The following SYNDIG1 variants were observed in gnomAD, a reference collection of about 807,000 sequenced individuals.
SYNDIG1 encodes the protein synapse differentiation inducing 1, also known as synapse differentiation-inducing gene protein 1.
SYNDIG1 carries 9 observed loss-of-function variants against 19.4 expected under a neutral mutation model. The observed-to-expected ratio is 0.46, with a 90% confidence interval of 0.28 to 0.81. The LOEUF is 0.81. SYNDIG1 is among the 30% of genes least tolerant of loss of function. The probability of loss-of-function intolerance (pLI) is 0.12; values close to 1 mark genes in which losing one functional copy is unlikely to be tolerated. For synonymous variants in SYNDIG1, 141 were observed against 145.9 expected (o/e 0.97, Z 0.24); for missense variants, 311 against 343.3 (o/e 0.91, Z 0.74).
At chr20:24,530,605 G>A (rs1263259562) in intron 1 of SYNDIG1, among the ~76,000 whole-genome samples, 3 of 152,142 alleles carry the variant, frequency 2.0e-5, no homozygotes, top group Non-Finnish European at 4.4e-5. Flanking sequence ...CAGTAGGGAA[G>A]TTTTACTATT....
intron 3 of SYNDIG1, among the ~76,000 whole-genome samples, chr20:24,660,052 C>T (rs536004825): frequency 7.9e-5 from 12 of 152,242 alleles, no homozygotes; most frequent in African/African-American, 2.4e-4. Context: ...ATGCCGAGTC[C>T]GGCTTCGTTT....
rs376959922 is a variant in SYNDIG1 at position 24,646,973 on chromosome 20, GT to G, written c.619-18369del. On this transcript the variant is annotated intron_variant, in intron 3 of 3. Coordinates refer to ENST00000376862, the MANE Select transcript of SYNDIG1 (RefSeq NM_024893.3). Reference sequence around the variant, plus strand: ...ACATAGTTATGAGCCAAATAAACCTGTTTTCTTGATAAACTATTCAGCCTCA... The same window carrying G: ...ACATAGTTATGAGCCAAATAAACCTGTTTCTTGATAAACTATTCAGCCTCA... Among the ~76,000 whole-genome samples the G allele has an allele frequency of 2.6e-3, 398 of 152,260 alleles. 4 individuals carry two copies. The highest frequency in any genetic ancestry group is 9.1e-3 in the African/African-American group (380 of 41,550).
At chr20:24,646,296 G>A (rs1017756114) in intron 3 of SYNDIG1, among the ~76,000 whole-genome samples, 1 of 152,168 alleles carries the variant, frequency 6.6e-6, no homozygotes, top group African/African-American at 2.4e-5. Flanking sequence ...GGGGCTAGGC[G>A]ACTGCTATGG....
At chr20:24,557,854 G>A (rs1041599723) in intron 2 of SYNDIG1, among the ~76,000 whole-genome samples, 2 of 152,168 alleles carry the variant, frequency 1.3e-5, no homozygotes, top group African/African-American at 4.8e-5. Flanking sequence ...TGGAAATGCA[G>A]AAATCACCCG....
At chr20:24,624,943 A>G (rs1447891404) in intron 3 of SYNDIG1, among the ~76,000 whole-genome samples, 1 of 152,264 alleles carries the variant, frequency 6.6e-6, no homozygotes, top group Non-Finnish European at 1.5e-5. Flanking sequence ...AACCCTTCTC[A>G]ATAACCCATG....
At chr20:24,592,149 A>G (rs918012450) in intron 3 of SYNDIG1, among the ~76,000 whole-genome samples, 1 of 152,216 alleles carries the variant, frequency 6.6e-6, no homozygotes, top group Non-Finnish European at 1.5e-5. Context: ...GCAGAGTAGA[A>G]GTATAAGTCA....
At chr20:24,541,864 G>T (rs1255274273) in intron 1 of SYNDIG1, among the ~76,000 whole-genome samples, 2 of 152,230 alleles carry the variant, frequency 1.3e-5, no homozygotes, top group African/African-American at 4.8e-5. Flanking sequence ...GGTACAGAGA[G>T]CCATGTGGAT....
At chr20:24,608,918 G>A (rs1679255896) in intron 3 of SYNDIG1, among the ~76,000 whole-genome samples, 1 of 152,202 alleles carries the variant, frequency 6.6e-6, no homozygotes, top group African/African-American at 2.4e-5. Context: ...GTGGAGGACA[G>A]TAATTTTGTG....
chr20:24,660,952 CCGCCCG>C (rs1176510472), intron 3 of SYNDIG1, among the ~76,000 whole-genome samples: 5 of 152,256 alleles, frequency 3.3e-5, no homozygotes, highest in African/African-American at 1.2e-4. Context: ...GGCTGGTCAC[CCGCCCG>C]CAGTGCTGGA....
chr20:24,640,477 G>A (rs1476768042), intron 3 of SYNDIG1, among the ~76,000 whole-genome samples: 1 of 22,434 alleles, frequency 4.5e-5, no homozygotes, highest in African/African-American at 9.3e-5. Flanking sequence ...AGGGAAAGAA[G>A]GAAGGAAGGA....
intron 3 of SYNDIG1, among the ~76,000 whole-genome samples, chr20:24,664,914 A>G (rs1027576303): frequency 6.6e-6 from 1 of 152,140 alleles, no homozygotes; most frequent in African/African-American, 2.4e-5. Context: ...ATTCAATAAG[A>G]TAGATAGAAA....
intron 3 of SYNDIG1, among the ~76,000 whole-genome samples, chr20:24,654,649 G>GAA (rs1486775222): frequency 3.9e-3 from 540 of 140,124 alleles, no homozygotes; most frequent in African/African-American, 0.012. Context: ...AGGGAGGGAG[G>GAA]GAGGAAGGAA....
At chr20:24,541,968 T>C (rs1430895360) in intron 1 of SYNDIG1, among the ~76,000 whole-genome samples, 1 of 152,056 alleles carries the variant, frequency 6.6e-6, no homozygotes, top group Non-Finnish European at 1.5e-5. Flanking sequence ...AGGGAAAGGC[T>C]CTGAGCAGGT....
Position 24,521,764 on chromosome 20 carries a change from G to T in SYNDIG1, c.-78-21256G>T, listed in dbSNP as rs181609422. 3.4e-4 allele frequency among the ~76,000 whole-genome samples: 51 copies of T among 152,038 alleles called. 1 individual carries two copies. In the East Asian group the frequency reaches 8.3e-3, roughly 25 times the overall value. ...AATACAAAAAAATTAGCTGGGTGTG[G>T]TGGTGCATGGTTGTAATCCCAGCTA... is the stretch of plus-strand genomic sequence containing the variant. On this transcript the variant is annotated intron_variant, in intron 1 of 3. Transcript: ENST00000376862.
At chr20:24,617,863 G>T (rs1444370979) in intron 3 of SYNDIG1, among the ~76,000 whole-genome samples, 1 of 145,414 alleles carries the variant, frequency 6.9e-6, no homozygotes, top group African/African-American at 2.6e-5. Flanking sequence ...GGGTATGGGA[G>T]TGGGGAGAGG....
At chr20:24,488,908 A>G (rs1391709569) in intron 1 of SYNDIG1, among the ~76,000 whole-genome samples, 1 of 152,174 alleles carries the variant, frequency 6.6e-6, no homozygotes, top group Non-Finnish European at 1.5e-5. Flanking sequence ...CAGCTCTGGA[A>G]TGGGGCATTG....
At chr20:24,631,064 T>C (rs1166636863) in intron 3 of SYNDIG1, among the ~76,000 whole-genome samples, 1 of 152,220 alleles carries the variant, frequency 6.6e-6, no homozygotes, top group Non-Finnish European at 1.5e-5. Context: ...CGTGTTGTTA[T>C]GGAGGGCAAT....
chr20:24,520,080 A>T (rs1376368992), intron 1 of SYNDIG1, among the ~76,000 whole-genome samples: 1 of 152,040 alleles, frequency 6.6e-6, no homozygotes, highest in Non-Finnish European at 1.5e-5. Flanking sequence ...ACAGTGATGC[A>T]CCTCGCAGTC....
chr20:24,488,948 T>C (rs543253676), intron 1 of SYNDIG1, among the ~76,000 whole-genome samples: 2 of 152,322 alleles, frequency 1.3e-5, no homozygotes, highest in East Asian at 3.9e-4. Flanking sequence ...CCTCCTGTTC[T>C]ATGTGAAAAG....
Sources: gnomAD v4.1 joint callset for allele counts (sites outside exome capture counted in the v4.1 genomes callset) on GRCh38, gnomAD v4.1.1 for gene constraint, MANE v1.5 for transcripts, NCBI Gene and HGNC (gene_info 2026-07-23, HGNC 2026-07-21) for gene names.